The following PEX5L variants were observed in gnomAD, a reference collection of about 807,000 sequenced individuals.
PEX5L encodes the protein PEX5-related protein.
Under a neutral mutation model 84.0 loss-of-function variants are expected in PEX5L, and 30 were observed. The ratio of observed to expected loss-of-function variants is 0.36; its 90% CI spans 0.27 to 0.48. PEX5L has a LOEUF of 0.48. Ranked by LOEUF, PEX5L falls within the 20% of genes least tolerant of loss-of-function variation. The pLI is 0.99. For synonymous variants in PEX5L, 270 were observed against 283.1 expected, an observed-to-expected ratio of 0.95 and a Z score of 0.46; for missense variants, 533 against 754.6, an observed-to-expected ratio of 0.71 and a Z score of 3.44.
chr3:179,978,081 T>C (rs190328138), intron 1 of PEX5L, among the ~76,000 whole-genome samples: 50 of 152,358 alleles, frequency 3.3e-4, no homozygotes, highest in African/African-American at 1.2e-3. Flanking sequence ...CCCAGACATT[T>C]AGTAATTTTT....
chr3:179,945,514 G>A (rs1777269698), intron 2 of PEX5L, among the ~76,000 whole-genome samples: 1 of 152,300 alleles, frequency 6.6e-6, no homozygotes. Context: ...AAGGGCTACA[G>A]ACATAGTTAA....
At chr3:180,006,283 TTTA>T (rs1049887528) in intron 1 of PEX5L, among the ~76,000 whole-genome samples, 7 of 152,134 alleles carry the variant, frequency 4.6e-5, no homozygotes, top group Non-Finnish European at 8.8e-5. Context: ...CACTTCCTTC[TTTA>T]TTATTATTTT....
At chr3:179,960,466 T>C (rs1042551280) in intron 2 of PEX5L, among the ~76,000 whole-genome samples, 20 of 152,252 alleles carry the variant, frequency 1.3e-4, no homozygotes, top group Admixed American at 9.8e-4. Flanking sequence ...TGGGAGACAG[T>C]GGGAAACATT....
chr3:179,916,121 T>A (rs894128568), intron 2 of PEX5L, among the ~76,000 whole-genome samples: 3 of 152,214 alleles, frequency 2.0e-5, no homozygotes, highest in African/African-American at 7.2e-5. Flanking sequence ...TTGTGCCATA[T>A]ACTTCATACA....
intron 8 of PEX5L, among the ~76,000 whole-genome samples, chr3:179,832,839 A>G (rs1449861235): frequency 2.0e-5 from 3 of 151,776 alleles, no homozygotes; most frequent in Admixed American, 2.0e-4. Flanking sequence ...TACCCTACCC[A>G]CCTACCTACC....
At chr3:179,832,820 T>C (rs1279342658) in intron 8 of PEX5L, among the ~76,000 whole-genome samples, 1 of 139,126 alleles carries the variant, frequency 7.2e-6, no homozygotes, top group Admixed American at 7.3e-5. Flanking sequence ...ACCTACTTAC[T>C]TACTTACCTA....
Position 179,867,124 on chromosome 3 carries a change from C to T in PEX5L, c.726+7203G>A, listed in dbSNP as rs145075302. ...CCAATTCCTAGAGCTTTGTACAAGG[C>T]ATGGCAGCATATAGTCCCCATCTCC... On this transcript the variant is annotated intron_variant, in intron 7 of 14. Coordinates refer to ENST00000467460, the MANE Select transcript of PEX5L (RefSeq NM_016559.3). Among the ~76,000 whole-genome samples the T allele has an allele frequency of 2.2e-4, 34 of 151,932 alleles. No homozygotes were observed. In the East Asian group the frequency reaches 6.4e-3, roughly 28 times the overall value.
At chr3:179,941,663 G>A (rs1006828787) in intron 2 of PEX5L, among the ~76,000 whole-genome samples, 1 of 152,142 alleles carries the variant, frequency 6.6e-6, no homozygotes, top group African/African-American at 2.4e-5. Flanking sequence ...GTAGAAAAGA[G>A]TGAGTAGAAA....
intron 7 of PEX5L, among the ~76,000 whole-genome samples, chr3:179,864,029 C>T (rs1333082877): frequency 6.6e-6 from 1 of 152,078 alleles, no homozygotes; most frequent in Non-Finnish European, 1.5e-5. Context: ...TCTTTGCCTG[C>T]TGCCATCCAT....
rs1384920936 is a variant in PEX5L, at chr3:179,795,054, T to C, written c.*6774A>G. On this transcript the variant is annotated 3_prime_UTR_variant, in exon 15 of 15. Coordinates refer to ENST00000467460, the MANE Select transcript of PEX5L (RefSeq NM_016559.3). Reference sequence around the variant, plus strand: ...AAAAATTAACAAAGGAGGAAGATTTTTAAAGTTTTGTTTTATATCCAAAAA... The same window carrying C: ...AAAAATTAACAAAGGAGGAAGATTTCTAAAGTTTTGTTTTATATCCAAAAA... 6.6e-6 allele frequency: 1 copy of C among 152,218 alleles called. No homozygotes were observed. The highest frequency in any genetic ancestry group is 1.5e-5 in the Non-Finnish European group (1 of 68,028). The allele number at this position is 152,218 out of a possible 1,614,324, so 9.4% of individuals were successfully genotyped here.
At chr3:179,928,930 G>A (rs1293366109) in intron 2 of PEX5L, among the ~76,000 whole-genome samples, 1 of 152,154 alleles carries the variant, frequency 6.6e-6, no homozygotes, top group African/African-American at 2.4e-5. Flanking sequence ...TTAGTCTGAT[G>A]ACTGAAATTT....
chr3:179,835,437 G>A (rs1029390669), intron 8 of PEX5L, among the ~76,000 whole-genome samples: 17 of 151,968 alleles, frequency 1.1e-4, no homozygotes, highest in African/African-American at 1.9e-4. Flanking sequence ...TATATCAGTC[G>A]GTAATGGTTG....
chr3:179,866,613 G>C (rs944568440), intron 7 of PEX5L, among the ~76,000 whole-genome samples: 1 of 152,106 alleles, frequency 6.6e-6, no homozygotes, highest in South Asian at 2.1e-4. Flanking sequence ...GAGAACTTTT[G>C]TTTAGTGGTT....
At chr3:180,010,373 A>C (rs1789349962) in intron 1 of PEX5L, among the ~76,000 whole-genome samples, 1 of 146,692 alleles carries the variant, frequency 6.8e-6, no homozygotes, top group African/African-American at 2.5e-5. Flanking sequence ...AATAGTTTTG[A>C]TTATTATAAC....
intron 2 of PEX5L, among the ~76,000 whole-genome samples, chr3:179,952,572 C>T (rs919787077): frequency 3.3e-5 from 5 of 151,974 alleles, no homozygotes; most frequent in African/African-American, 1.2e-4. Flanking sequence ...TTAGGGAGAA[C>T]CATAAACTAC....
At chr3:179,894,681 T>A (rs111853167) in intron 3 of PEX5L, among the ~76,000 whole-genome samples, 3,729 of 152,210 alleles carry the variant, frequency 0.024, 151 homozygotes, top group African/African-American at 0.086. Flanking sequence ...ATCGAGGACA[T>A]TACTTTTTTA....
chr3:179,995,147 A>G (rs577453027), intron 1 of PEX5L, among the ~76,000 whole-genome samples: 2 of 148,142 alleles, frequency 1.4e-5, no homozygotes, highest in South Asian at 4.2e-4. Context: ...TACACACACT[A>G]TATACATACT....
At position 179,806,231 on chromosome 3, in the gene PEX5L, T is replaced by C. The variant is rs577971443; in HGVS notation, c.1676+1443A>G. ...AGGAAATCTGGCCGGGAAAATCAGATGAAGCCAGGAATGAAGTTAGGATAC... is the reference window on the plus strand; with the variant it reads ...AGGAAATCTGGCCGGGAAAATCAGACGAAGCCAGGAATGAAGTTAGGATAC... On this transcript the variant is annotated intron_variant, in intron 14 of 14. Coordinates refer to ENST00000467460, the MANE Select transcript of PEX5L (RefSeq NM_016559.3). 7.9e-5 allele frequency among the ~76,000 whole-genome samples: 12 copies of C among 152,234 alleles called. No homozygotes were observed. In the South Asian group the frequency reaches 2.5e-3, roughly 32 times the overall value.
At chr3:179,897,186 T>C (rs1404141672) in intron 3 of PEX5L, among the ~76,000 whole-genome samples, 3 of 152,178 alleles carry the variant, frequency 2.0e-5, no homozygotes, top group Non-Finnish European at 2.9e-5. Context: ...TTGATATAAA[T>C]GTCTTTCATG....
Sources: allele counts gnomAD v4.1 joint callset (sites outside exome capture counted in the v4.1 genomes callset), GRCh38; gene constraint gnomAD v4.1.1; transcripts MANE v1.5; gene names NCBI Gene and HGNC (gene_info 2026-07-23, HGNC 2026-07-21).